Variants in RUNX2 observed in about 807,000 individuals in gnomAD.
The protein encoded by RUNX2 is runt-related transcription factor 2.
A neutral mutation model predicts 51.7 loss-of-function variants in RUNX2; 10 were observed. The ratio of observed to expected loss-of-function variants is 0.19; its 90% CI spans 0.12 to 0.33. RUNX2 has a LOEUF of 0.33. Ranked by LOEUF, RUNX2 falls within the 10% of genes least tolerant of loss-of-function variation. RUNX2 has a pLI of 1.00. For synonymous variants in RUNX2, 276 were observed against 273.6 expected, an observed-to-expected ratio of 1.01 and a Z score of -0.09; for missense variants, 562 against 691.3, an observed-to-expected ratio of 0.81 and a Z score of 2.10.
rs149431730 is a variant in RUNX2, at chr6:45,511,532, A to T, written c.860-714A>T. On this transcript the variant is annotated intron_variant, in intron 6 of 8. Transcript: ENST00000647337. ...TTAATGGTAGTTGACTTTGAAATTA[A>T]ATTTTTGTCTTTTTCTTCCGGGTTA... Among the ~76,000 whole-genome samples the T allele has an allele frequency of 2.6e-4, 39 of 152,296 alleles. No homozygotes were observed. In the East Asian group the frequency reaches 4.0e-3, roughly 16 times the overall value.
At chr6:45,440,416 T>C (rs1798810265) in intron 5 of RUNX2, among the ~76,000 whole-genome samples, 2 of 152,302 alleles carry the variant, frequency 1.3e-5, no homozygotes, top group Non-Finnish European at 2.9e-5. Context: ...AGTTGGTGCA[T>C]ATAATGTTAA....
chr6:45,477,247 G>A (rs144386179), intron 5 of RUNX2, among the ~76,000 whole-genome samples: 3 of 152,088 alleles, frequency 2.0e-5, no homozygotes, highest in South Asian at 4.1e-4. Flanking sequence ...GCTTCTCAGG[G>A]TTCCCTTTTA....
chr6:45,480,284 C>A (rs1800073357), intron 5 of RUNX2, among the ~76,000 whole-genome samples: 2 of 152,146 alleles, frequency 1.3e-5, no homozygotes, highest in Non-Finnish European at 1.5e-5. Context: ...GAGTTTATAT[C>A]ATGTTACTCT....
At chr6:45,537,042 C>T (rs534866916) in intron 7 of RUNX2, among the ~76,000 whole-genome samples, 1 of 152,148 alleles carries the variant, frequency 6.6e-6, no homozygotes, top group Non-Finnish European at 1.5e-5. Context: ...AGGAGGAATG[C>T]CCTTTTAGGA....
chr6:45,422,522 C>T (rs920346273), intron 2 of RUNX2, 71 bp from the exon 3 acceptor site: 2 of 1,278,616 alleles, frequency 1.6e-6, no homozygotes, highest in East Asian at 5.2e-5. Flanking sequence ...CCTTGCCCCT[C>T]ATTTCCACCC....
At chr6:45,537,214 C>T (rs1802065438) in intron 7 of RUNX2, among the ~76,000 whole-genome samples, 3 of 152,202 alleles carry the variant, frequency 2.0e-5, no homozygotes, top group African/African-American at 7.2e-5. Flanking sequence ...TCAAGCATGG[C>T]TAATGAGTGC....
chr6:45,456,737 G>T (rs962844541), intron 5 of RUNX2, among the ~76,000 whole-genome samples: 3 of 152,080 alleles, frequency 2.0e-5, no homozygotes, highest in African/African-American at 7.2e-5. Flanking sequence ...CTATGGGCTG[G>T]GTTTTCAGAA....
intron 6 of RUNX2, among the ~76,000 whole-genome samples, chr6:45,507,755 C>T (rs1009449885): frequency 2.3e-4 from 35 of 152,252 alleles, no homozygotes; most frequent in Non-Finnish European, 1.9e-4. Flanking sequence ...GTGACTAACA[C>T]GGACATATAT....
At chr6:45,507,542 A>G (rs573630404) in intron 6 of RUNX2, among the ~76,000 whole-genome samples, 1 of 152,360 alleles carries the variant, frequency 6.6e-6, no homozygotes, top group South Asian at 2.1e-4. Flanking sequence ...TCATGTATTT[A>G]TGACAGGATT....
At chr6:45,492,467 G>A (rs535366881) in intron 6 of RUNX2, among the ~76,000 whole-genome samples, 17 of 152,254 alleles carry the variant, frequency 1.1e-4, no homozygotes, top group African/African-American at 3.9e-4. Context: ...TAGAAAATTA[G>A]TGTTACCCTC....
chr6:45,549,492 A>C lies in RUNX2; in HGVS notation c.*2187A>C. On this transcript the variant is annotated 3_prime_UTR_variant, in exon 9 of 9. Transcript: ENST00000647337. ...TATACCAAGTATGCTTAGATAAATA[A>C]GCCACTTTTCTATTACTTAAGTAAG... The C allele has an allele frequency of 5.0e-6, 2 of 397,752 alleles. No individual in the cohort carries two copies. The highest frequency in any genetic ancestry group is 8.9e-6 in the Non-Finnish European group (2 of 225,976). The allele number at this position is 397,752 out of a possible 1,614,324, so 24.6% of individuals were successfully genotyped here. A position where few individuals can be genotyped will look rare whatever the true frequency, so the allele number is the denominator to read the frequency against.
At position 45,485,697 on chromosome 6, in the gene RUNX2, G is replaced by GTGTA. The variant is rs1219072282; in HGVS notation, c.686-6243_686-6242insGTAT. ...TATGTGTGTGTGTGTGTGTGTGTGT[G>GTGTA]TATATATATATATATATATACACAT... On this transcript the variant is annotated intron_variant, in intron 5 of 8. Coordinates refer to ENST00000647337, the MANE Select transcript of RUNX2 (RefSeq NM_001024630.4). Among the ~76,000 whole-genome samples the GTGTA allele has an allele frequency of 8.1e-3, 841 of 104,054 alleles. 21 individuals are homozygous for GTGTA. Among genetic ancestry groups the GTGTA allele is most frequent in the African/African-American group, 0.03 (779 of 26,280 alleles). 68.3% of individuals were successfully genotyped at this position (104,054 alleles called of 152,430 possible). A position where few individuals can be genotyped will look rare whatever the true frequency, so the allele number is the denominator to read the frequency against.
At chr6:45,459,584 T>C (rs191136194) in intron 5 of RUNX2, among the ~76,000 whole-genome samples, 2 of 152,328 alleles carry the variant, frequency 1.3e-5, no homozygotes, top group East Asian at 3.9e-4. Flanking sequence ...TTTCAACAAG[T>C]GTTTATTGAG....
chr6:45,352,512 G>C (rs1221762352), intron 2 of RUNX2, among the ~76,000 whole-genome samples: 1 of 152,078 alleles, frequency 6.6e-6, no homozygotes, highest in East Asian at 1.9e-4. Flanking sequence ...CAGCCAAGGG[G>C]AGAGAAAACA....
chr6:45,475,982 G>T (rs771282608), intron 5 of RUNX2, among the ~76,000 whole-genome samples: 20 of 152,164 alleles, frequency 1.3e-4, no homozygotes, highest in Non-Finnish European at 2.6e-4. Context: ...AAAAGTAAGA[G>T]GTCCAAAAAT....
intron 6 of RUNX2, among the ~76,000 whole-genome samples, chr6:45,509,683 T>C (rs896660242): frequency 1.3e-5 from 2 of 152,230 alleles, no homozygotes; most frequent in Non-Finnish European, 2.9e-5. Flanking sequence ...TCAGATCCTC[T>C]CACTAGAAAG....
chr6:45,509,227 A>G (rs1046228645), intron 6 of RUNX2, among the ~76,000 whole-genome samples: 1 of 152,170 alleles, frequency 6.6e-6, no homozygotes, highest in African/African-American at 2.4e-5. Flanking sequence ...AAGAGAGTCA[A>G]AATAGTTTTT....
intron 2 of RUNX2, among the ~76,000 whole-genome samples, chr6:45,391,781 G>A (rs145682374): frequency 7.9e-5 from 12 of 152,178 alleles, no homozygotes; most frequent in South Asian, 4.2e-4. Context: ...TGGGGAAACC[G>A]CCCCATGATT....
chr6:45,467,031 C>CA (rs1451472134), intron 5 of RUNX2, among the ~76,000 whole-genome samples: 1 of 152,190 alleles, frequency 6.6e-6, no homozygotes, highest in African/African-American at 2.4e-5. Flanking sequence ...ATTGCCTACT[C>CA]ACGCTGAGCC....
Sources: gnomAD v4.1 joint callset for allele counts (sites outside exome capture counted in the v4.1 genomes callset) on GRCh38, gnomAD v4.1.1 for gene constraint, MANE v1.5 for transcripts, NCBI Gene and HGNC (gene_info 2026-07-23, HGNC 2026-07-21) for gene names.